PTPRD: variants seen among roughly 807,000 people sequenced by gnomAD.
The protein encoded by PTPRD is receptor-type tyrosine-protein phosphatase delta.
Under a neutral mutation model 214.5 loss-of-function variants are expected in PTPRD, and 34 were observed. That is an observed-to-expected ratio of 0.16 (90% CI 0.12 to 0.21). The LOEUF is 0.21. Ranked by LOEUF, PTPRD falls within the 10% of genes least tolerant of loss-of-function variation. PTPRD has a pLI of 1.00. For synonymous variants in PTPRD, 1,128 were observed against 845.7 expected (o/e 1.33, Z -5.79); for missense variants, 2,545 against 2,398.7 (o/e 1.06, Z -1.27).
intron 2 of PTPRD, among the ~76,000 whole-genome samples, chr9:10,435,141 A>T (rs779348602): frequency 6.6e-6 from 1 of 151,900 alleles, no homozygotes; most frequent in African/African-American, 2.4e-5. Context: ...GAGGAAGCCA[A>T]TGCAAGTTGG....
intron 5 of PTPRD, among the ~76,000 whole-genome samples, chr9:9,794,189 ATGTG>A (rs535365083): frequency 8.2e-5 from 12 of 146,426 alleles, no homozygotes; most frequent in African/African-American, 2.8e-4. Flanking sequence ...ATATATACAT[ATGTG>A]TGTGTGTGTA....
At chr9:10,091,701 G>C (rs1365560731) in intron 3 of PTPRD, among the ~76,000 whole-genome samples, 1 of 151,374 alleles carries the variant, frequency 6.6e-6, no homozygotes, top group Non-Finnish European at 1.5e-5. Context: ...AGGTTAGAAA[G>C]CAGGGTCATT....
rs558641074 is a variant in PTPRD at position 8,317,563 on chromosome 9, T to G, written c.*311A>C. Reference sequence around the variant, plus strand: ...CTTGCACCTTTCAAGCAATCCTGAATAAGATGGTGGTTCTTTGCTGTGATT... The same window carrying G: ...CTTGCACCTTTCAAGCAATCCTGAAGAAGATGGTGGTTCTTTGCTGTGATT... On this transcript the variant is annotated 3_prime_UTR_variant, in exon 46 of 46. Coordinates refer to ENST00000381196, the MANE Select transcript of PTPRD (RefSeq NM_002839.4). 1.6e-5 allele frequency: 5 copies of G among 316,620 alleles called. No individual in the cohort carries two copies. The South Asian group carries it at 3.0e-4, about 19-fold the overall frequency. The allele number at this position is 316,620 out of a possible 1,614,324, so 19.6% of individuals were successfully genotyped here. A position where few individuals can be genotyped will look rare whatever the true frequency, so the allele number is the denominator to read the frequency against.
intron 8 of PTPRD, among the ~76,000 whole-genome samples, chr9:9,425,982 G>A (rs1183021001): frequency 6.6e-6 from 1 of 152,166 alleles, no homozygotes; most frequent in Non-Finnish European, 1.5e-5. Context: ...CACCATGAGA[G>A]ACACAGAAGA....
intron 14 of PTPRD, among the ~76,000 whole-genome samples, chr9:8,551,132 T>G (rs1395406776): frequency 6.6e-6 from 1 of 152,204 alleles, no homozygotes; most frequent in African/African-American, 2.4e-5. Context: ...TATTTTATCT[T>G]TCTTCATAAT....
At chr9:10,019,748 A>G (rs2096805829) in intron 4 of PTPRD, among the ~76,000 whole-genome samples, 2 of 134,688 alleles carry the variant, frequency 1.5e-5, no homozygotes, top group South Asian at 5.5e-4. Flanking sequence ...GGACACAGGA[A>G]GGGGAACATC....
intron 12 of PTPRD, among the ~76,000 whole-genome samples, chr9:8,657,560 T>C (rs1314257527): frequency 2.0e-5 from 3 of 152,220 alleles, no homozygotes; most frequent in East Asian, 1.9e-4. Context: ...GATGAATACG[T>C]TGAAAAAATT....
Position 9,275,831 on chromosome 9 carries a change from GTA to G in PTPRD, c.-202-92470_-202-92469del, listed in dbSNP as rs199895963. On this transcript the variant is annotated intron_variant, in intron 9 of 45. Coordinates refer to ENST00000381196, the MANE Select transcript of PTPRD (RefSeq NM_002839.4). ...GTGAGCGAAACAGCTGTGTGTGTGT[GTA>G]TGTGTGTGTGTGTGTGTGTGTGTGT... is the stretch of plus-strand genomic sequence containing the variant. 6.7e-3 allele frequency among the ~76,000 whole-genome samples: 970 copies of G among 144,244 alleles called. 13 individuals are homozygous for G. Among genetic ancestry groups the G allele is most frequent in the East Asian group, 0.051 (215 of 4,196 alleles). 94.6% of individuals were successfully genotyped at this position (144,244 alleles called of 152,430 possible).
At chr9:10,051,598 C>T (rs1478513887) in intron 3 of PTPRD, among the ~76,000 whole-genome samples, 2 of 151,714 alleles carry the variant, frequency 1.3e-5, no homozygotes, top group Non-Finnish European at 2.9e-5. Flanking sequence ...TATCCCTCCC[C>T]ACTCCCCCCA....
chr9:10,081,943 A>C (rs940442783), intron 3 of PTPRD, among the ~76,000 whole-genome samples: 3 of 152,208 alleles, frequency 2.0e-5, no homozygotes, highest in Admixed American at 6.5e-5. Flanking sequence ...TTTGTAATTA[A>C]CTAAAAAATT....
At chr9:10,323,328 G>A (rs1481988357) in intron 3 of PTPRD, among the ~76,000 whole-genome samples, 1 of 139,140 alleles carries the variant, frequency 7.2e-6, no homozygotes, top group Non-Finnish European at 1.5e-5. Context: ...TTTTCAGATG[G>A]GGTCTCACTC....
chr9:9,513,984 G>C (rs111234672), intron 8 of PTPRD, among the ~76,000 whole-genome samples: 15 of 152,124 alleles, frequency 9.9e-5, no homozygotes, highest in African/African-American at 2.4e-4. Context: ...GAAAGGCTGT[G>C]GCCATCTACG....
intron 11 of PTPRD, among the ~76,000 whole-genome samples, chr9:8,799,554 C>A (rs1355298855): frequency 6.6e-6 from 1 of 152,174 alleles, no homozygotes; most frequent in African/African-American, 2.4e-5. Context: ...TTCCTAGTAT[C>A]TGTAAAGTAA....
In PTPRD at chr9:9,451,142, A is replaced by C. The variant is rs542891028; in HGVS notation, c.-236-53660T>G. ...TACCCTCTCTAAATGAAATCTTGAT[A>C]TCCTTGAGCATCTGTTTATATAAGG... On this transcript the variant is annotated intron_variant, in intron 8 of 45. Coordinates refer to ENST00000381196, the MANE Select transcript of PTPRD (RefSeq NM_002839.4). 9.2e-5 allele frequency among the ~76,000 whole-genome samples: 14 copies of C among 151,946 alleles called. No homozygotes were observed. In the East Asian group the frequency reaches 2.7e-3, roughly 30 times the overall value.
At chr9:8,690,771 T>C (rs1334045884) in intron 12 of PTPRD, among the ~76,000 whole-genome samples, 2 of 152,142 alleles carry the variant, frequency 1.3e-5, no homozygotes, top group Non-Finnish European at 2.9e-5. Flanking sequence ...TAGTGAAAAC[T>C]AAGAAAACTC....
At chr9:9,142,434 G>A (rs1433394856) in intron 10 of PTPRD, among the ~76,000 whole-genome samples, 1 of 152,206 alleles carries the variant, frequency 6.6e-6, no homozygotes, top group Non-Finnish European at 1.5e-5. Flanking sequence ...TAGTCCTAAT[G>A]CAATGACGGG....
At chr9:8,469,729 C>T (rs13292224) in intron 31 of PTPRD, among the ~76,000 whole-genome samples, 6,208 of 152,072 alleles carry the variant, frequency 0.041, 202 homozygotes, top group South Asian at 0.089. Flanking sequence ...AATAATGTCT[C>T]ATTTTACACA....
Position 9,148,424 on chromosome 9 carries a change from C to G in PTPRD, c.-143+34880G>C, listed in dbSNP as rs563892847. On this transcript the variant is annotated intron_variant, in intron 10 of 45. Transcript: ENST00000381196. The stretch of plus-strand genomic sequence containing the variant: ...TAATTATATGTGGAAATAAAATTGA[C>G]TTCAGCAGACGGAAAGAAAAAAAAT... Among the ~76,000 whole-genome samples, 87 of 152,192 alleles carry G rather than the reference C, an allele frequency of 5.7e-4. 1 individual carries two copies. Among genetic ancestry groups the G allele is most frequent in the African/African-American group, 2.0e-3 (83 of 41,514 alleles).
chr9:10,596,929 T>C (rs1053719595), intron 2 of PTPRD, among the ~76,000 whole-genome samples: 1 of 151,628 alleles, frequency 6.6e-6, no homozygotes, highest in African/African-American at 2.4e-5. Context: ...TATGTAATTT[T>C]CCCAAGTTAA....
Sources: allele counts gnomAD v4.1 joint callset (sites outside exome capture counted in the v4.1 genomes callset), GRCh38; gene constraint gnomAD v4.1.1; transcripts MANE v1.5; gene names NCBI Gene and HGNC (gene_info 2026-07-23, HGNC 2026-07-21).